The following AKAP11 variants were observed in gnomAD, a reference collection of about 807,000 sequenced individuals.
AKAP11 encodes the protein A-kinase anchoring protein 11, also known as A-kinase anchor protein 11.
Under a neutral mutation model 146.1 loss-of-function variants are expected in AKAP11, and 36 were observed. The ratio of observed to expected loss-of-function variants is 0.25; its 90% CI spans 0.19 to 0.33. AKAP11 has a LOEUF of 0.33. Among genes scored for constraint, AKAP11 ranks in the 10% least tolerant of loss-of-function variants. AKAP11 has a pLI of 1.00. For missense variants in AKAP11, 2,201 were observed against 2,197.0 expected (o/e 1.00, Z -0.04); for synonymous variants, 780 against 786.5 (o/e 0.99, Z 0.14).
chr13:42,316,127 G>C (rs1429342794), intron 11 of AKAP11, among the ~76,000 whole-genome samples: 1 of 152,150 alleles, frequency 6.6e-6, no homozygotes, highest in African/African-American at 2.4e-5. Flanking sequence ...GTTGGAGAGA[G>C]GGGAGGGAAG....
intron 1 of AKAP11, among the ~76,000 whole-genome samples, chr13:42,280,233 T>A (rs549758865): frequency 6.6e-6 from 1 of 152,324 alleles, no homozygotes; most frequent in Non-Finnish European, 1.5e-5. Context: ...CACAATCCCG[T>A]GTTCCCTGTT....
At position 42,313,096 on chromosome 13, in the gene AKAP11, T is replaced by A; in HGVS notation, c.5323T>A (p.Tyr1775Asn). ...CAGTCTTGGTTTAGAAGGAGATTTG[T>A]ATGAGGACAATTTATCCTTTCCAAC... ...WSSLGLEGDLYEDNLSFPTSD... is the reference protein window; with the variant it reads ...WSSLGLEGDLNEDNLSFPTSD... Residue 1775 changes from tyrosine (Y) to asparagine (N), a missense_variant, in exon 10 of 13, where the codon TAT becomes AAT. Physicochemically the swap from Tyr to Asn is moderately radical, Grantham distance 143. Coordinates refer to ENST00000025301, the MANE Select transcript of AKAP11 (RefSeq NM_016248.4). 3 of 1,613,458 alleles carry A rather than the reference T, an allele frequency of 1.9e-6. No homozygotes were observed. The highest frequency in any genetic ancestry group is 2.5e-6 in the Non-Finnish European group (3 of 1,179,808).
chr13:42,282,788 C>CT (rs1414985164), intron 1 of AKAP11, among the ~76,000 whole-genome samples: 2 of 152,140 alleles, frequency 1.3e-5, no homozygotes. Flanking sequence ...TTGTCTGCCT[C>CT]TTTCTTGTCT....
Position 42,302,824 on chromosome 13 carries a change from A to G in AKAP11, c.4078A>G (p.Ser1360Gly), listed in dbSNP as rs1566280170. The G allele has an allele frequency of 3.1e-6, 5 of 1,614,172 alleles. No individual in the cohort carries two copies. The highest frequency in any genetic ancestry group is 1.7e-5 in the Admixed American group (1 of 60,026). ...IQILKQEGGN[S>G]ELIMDQYANR... ...GATACTAAAACAGGAAGGTGGTAAT[A>G]GTGAGTTGATAATGGATCAGTATGC... Residue 1360 changes from serine to glycine, a missense_variant, in exon 8 of 13, where the codon AGT becomes GGT. Transcript: ENST00000025301.
At position 42,286,345 on chromosome 13, in the gene AKAP11, A is replaced by G. The variant is rs763158492; in HGVS notation, c.-4A>G. The G allele has an allele frequency of 6.3e-7, 1 of 1,598,310 alleles. No individual in the cohort carries two copies. Among genetic ancestry groups the G allele is most frequent in the Admixed American group, 1.7e-5 (1 of 57,312 alleles). ...TCATTGATTATATACAACAAAAAATAGTTATGGCGACTTTCAGAAACAATC... is the reference window on the plus strand; with the variant it reads ...TCATTGATTATATACAACAAAAAATGGTTATGGCGACTTTCAGAAACAATC... On this transcript the variant is annotated 5_prime_UTR_variant, in exon 3 of 13. The change creates a new upstream start codon in the 5' untranslated region. Coordinates refer to ENST00000025301, the MANE Select transcript of AKAP11 (RefSeq NM_016248.4).
upstream of AKAP11, among the ~76,000 whole-genome samples, chr13:42,271,745 G>A (rs538532549): frequency 1.6e-3 from 242 of 152,200 alleles, 1 homozygote; most frequent in African/African-American, 5.6e-3. Flanking sequence ...ACCAGGAAGC[G>A]CGCAAGACGT....
intron 4 of AKAP11, among the ~76,000 whole-genome samples, chr13:42,294,808 G>GA (rs528548559): frequency 6.6e-6 from 1 of 151,986 alleles, no homozygotes; most frequent in Admixed American, 6.6e-5. Context: ...AAAAGAATGG[G>GA]AAAAAAATAG....
rs534198773 is a variant in AKAP11, at chr13:42,279,753, T to C, written c.-99-6233T>C. ...CCTTTGCATGCTTGGTAATTTTTAT[T>C]GTATGCCAGCCATTGAGTTTATACT... On this transcript the variant is annotated intron_variant, in intron 1 of 12. Transcript: ENST00000025301. 3.9e-5 allele frequency among the ~76,000 whole-genome samples: 6 copies of C among 152,328 alleles called. No individual in the cohort carries two copies. The East Asian group carries it at 1.2e-3, about 29-fold the overall frequency.
rs565030189 is a variant in AKAP11, at chr13:42,275,209, G to C, written c.-100+2981G>C. ...CTGCTACTCACGCAGGTCTGTTCCA[G>C]TTTCTTTCAGATTGGCCTTCTCTTT... On this transcript the variant is annotated intron_variant, in intron 1 of 12. Transcript: ENST00000025301. Among the ~76,000 whole-genome samples, 5 of 152,344 alleles carry C rather than the reference G, an allele frequency of 3.3e-5. No individual in the cohort carries two copies. In the East Asian group the frequency reaches 9.6e-4, roughly 29 times the overall value.
At chr13:42,274,696 AC>A (rs1408934451) in intron 1 of AKAP11, among the ~76,000 whole-genome samples, 1 of 152,246 alleles carries the variant, frequency 6.6e-6, no homozygotes, top group Non-Finnish European at 1.5e-5. Context: ...AAAAACAACA[AC>A]AAAAAACTTC....
Position 42,303,320 on chromosome 13 carries a change from G to A in AKAP11, c.4574G>A (p.Gly1525Asp), listed in dbSNP as rs1369369114. 6.2e-7 allele frequency: 1 copy of A among 1,612,384 alleles called. No homozygotes were observed. The highest frequency in any genetic ancestry group is 1.3e-5 in the African/African-American group (1 of 74,918). The change falls in exon 8 of 13, where the codon GGC (glycine) becomes GAC (aspartate). Residue 1525 changes from glycine (G) to aspartate (D), a missense_variant. Physicochemically the swap from Gly to Asp is moderately conservative, Grantham distance 94 (BLOSUM62 -1). This residue lies in a region of AKAP11 where 1,867 missense variants were observed against 1,833.5 expected (regional missense o/e 1.02). Transcript: ENST00000025301. ...SQNHRFYHST[G>D]SLNGYGCGDN... is the part of the protein sequence containing the mutation. The stretch of plus-strand genomic sequence containing the variant: ...AATCACAGGTTTTACCACAGCACTG[G>A]CAGTTTAAATGGATATGGTTGTGGA...
Position 42,301,101 on chromosome 13 carries a change from A to G in AKAP11, c.2355A>G (p.Ala785=). 1 of 1,614,128 alleles carries G rather than the reference A, an allele frequency of 6.2e-7. No individual in the cohort carries two copies. The highest frequency in any genetic ancestry group is 8.5e-7 in the Non-Finnish European group (1 of 1,179,972). ...TTACTTCTATACCGGTGCCCTTGGC[A>G]GGAAGTGCCCTTCTCCCATATCATA... The part of the protein sequence containing the change: ...GIVTSIPVPL[A]GSALLPYHIS... The change falls in exon 8 of 13, where the codon GCA becomes GCG. Residue 785 remains alanine (A), a synonymous_variant. Transcript: ENST00000025301.
At chr13:42,274,996 A>G (rs975288128) in intron 1 of AKAP11, among the ~76,000 whole-genome samples, 1 of 152,188 alleles carries the variant, frequency 6.6e-6, no homozygotes, top group African/African-American at 2.4e-5. Flanking sequence ...ACCTCCCGTA[A>G]TGGTTTGAGG....
chr13:42,307,665 G>T (rs7318683), intron 8 of AKAP11, among the ~76,000 whole-genome samples: 56,359 of 151,264 alleles, frequency 0.37, 10,893 homozygotes, highest in East Asian at 0.62. Context: ...GAAGTGGGAG[G>T]AGTGGGCCAG....
At chr13:42,317,237 G>A (rs1303399703) in intron 11 of AKAP11, among the ~76,000 whole-genome samples, 1 of 151,988 alleles carries the variant, frequency 6.6e-6, no homozygotes, top group Non-Finnish European at 1.5e-5. Context: ...TAACCCACTG[G>A]TCATAATTTA....
rs1250021432 is a variant in AKAP11, at chr13:42,319,188, G to A, written c.5666G>A (p.Arg1889Lys). Reference protein sequence around the residue: ...EVMEKASSEERCKSLFDWLLE... With the variant: ...EVMEKASSEEKCKSLFDWLLE... Reference sequence around the variant, plus strand: ...ATGGAAAAAGCTTCCAGTGAGGAGAGATGCAAGTCGCTGTTTGATTGGCTC... The same window carrying A: ...ATGGAAAAAGCTTCCAGTGAGGAGAAATGCAAGTCGCTGTTTGATTGGCTC... Residue 1889 changes from arginine (R) to lysine (K), a missense_variant, in exon 13 of 13, where the codon AGA (arginine) becomes AAA (lysine). Coordinates refer to ENST00000025301, the MANE Select transcript of AKAP11 (RefSeq NM_016248.4). 4 of 1,613,952 alleles carry A rather than the reference G, an allele frequency of 2.5e-6. No individual in the cohort carries two copies. The highest frequency in any genetic ancestry group is 3.4e-6 in the Non-Finnish European group (4 of 1,179,970).
intron 11 of AKAP11, among the ~76,000 whole-genome samples, chr13:42,317,196 T>TA (rs2138718585): frequency 6.6e-6 from 1 of 152,324 alleles, no homozygotes; most frequent in East Asian, 1.9e-4. Context: ...ATTTTTATTG[T>TA]AATGATAGCT....
At chr13:42,318,009 T>C (rs1960903377) in intron 12 of AKAP11, among the ~76,000 whole-genome samples, 1 of 152,250 alleles carries the variant, frequency 6.6e-6, no homozygotes, top group African/African-American at 2.4e-5. Flanking sequence ...AGGTAGATGC[T>C]ATTAATAAGC....
Position 42,300,424 on chromosome 13 carries a change from A to G in AKAP11, c.1678A>G (p.Lys560Glu). ...AAAATTTGCAGCAGATCTTGTGGAAAAAAGTTTTGGCAGTGCATTTAAAGA... is the reference window on the plus strand; with the variant it reads ...AAAATTTGCAGCAGATCTTGTGGAAGAAAGTTTTGGCAGTGCATTTAAAGA... ...IQKFAADLVE[K>E]SFGSAFKDLQ... Residue 560 changes from lysine (K) to glutamate (E), a missense_variant, in exon 8 of 13, where the codon AAA becomes GAA. Transcript: ENST00000025301. The G allele has an allele frequency of 6.2e-7, 1 of 1,613,378 alleles. No homozygotes were observed. Among genetic ancestry groups the G allele is most frequent in the Non-Finnish European group, 8.5e-7 (1 of 1,179,858 alleles).
Sources: allele counts gnomAD v4.1 joint callset (sites outside exome capture counted in the v4.1 genomes callset), GRCh38; gene constraint gnomAD v4.1.1; regional missense constraint gnomAD v4.1.1; transcripts MANE v1.5; gene names NCBI Gene and HGNC (gene_info 2026-07-23, HGNC 2026-07-21).